RABGAP1L: variants seen among roughly 807,000 people sequenced by gnomAD.
RABGAP1L encodes RAB GTPase activating protein 1 like.
In RABGAP1L, 63 loss-of-function variants were observed where a neutral mutation model predicts 137.7. That is an observed-to-expected ratio of 0.46 (90% CI 0.37 to 0.56). The LOEUF (loss-of-function observed/expected upper bound fraction) is 0.56. RABGAP1L is among the 20% of genes least tolerant of loss of function. The pLI, the probability that RABGAP1L is intolerant of heterozygous loss-of-function variation, is 0.00. For missense variants in RABGAP1L, 1,095 were observed against 1,244.0 expected (o/e 0.88, Z 1.80); for synonymous variants, 431 against 433.7 (o/e 0.99, Z 0.08).
chr1:174,569,496 C>T (rs979205252), intron 13 of RABGAP1L, among the ~76,000 whole-genome samples: 5 of 152,148 alleles, frequency 3.3e-5, no homozygotes, highest in Non-Finnish European at 7.4e-5. Flanking sequence ...AACCTTTGGG[C>T]ATTTACATTA....
intron 14 of RABGAP1L, among the ~76,000 whole-genome samples, chr1:174,678,089 A>G (rs61826956): frequency 0.11 from 16,323 of 152,168 alleles, 990 homozygotes; most frequent in East Asian, 0.22. Flanking sequence ...AGATATTAAA[A>G]AGTCAATTAG....
chr1:174,767,168 T>C (rs970129542), intron 18 of RABGAP1L, among the ~76,000 whole-genome samples: 1 of 152,164 alleles, frequency 6.6e-6, no homozygotes, highest in Non-Finnish European at 1.5e-5. Context: ...ACTAAGCTGT[T>C]CTCCGACCAC....
At chr1:174,220,318 T>C (rs1168168812) in intron 2 of RABGAP1L, among the ~76,000 whole-genome samples, 1 of 152,202 alleles carries the variant, frequency 6.6e-6, no homozygotes, top group Non-Finnish European at 1.5e-5. Context: ...TTTTTTCCTT[T>C]AGACATGTAA....
chr1:174,650,493 T>G (rs1675381952), intron 14 of RABGAP1L, among the ~76,000 whole-genome samples: 1 of 150,632 alleles, frequency 6.6e-6, no homozygotes, highest in Non-Finnish European at 1.5e-5. Context: ...AAGCTATTGA[T>G]TATTGCCACA....
intron 14 of RABGAP1L, among the ~76,000 whole-genome samples, chr1:174,656,590 A>G (rs1675988770): frequency 6.6e-6 from 1 of 152,250 alleles, no homozygotes; most frequent in Non-Finnish European, 1.5e-5. Flanking sequence ...CCCATTAGAA[A>G]TCAATCACCC....
At chr1:174,661,373 G>A (rs1311373680) in intron 14 of RABGAP1L, among the ~76,000 whole-genome samples, 2 of 152,050 alleles carry the variant, frequency 1.3e-5, no homozygotes, top group Non-Finnish European at 2.9e-5. Flanking sequence ...AAAGGAGTAA[G>A]AAAACATGTA....
chr1:174,746,539 T>C (rs1683878391), intron 17 of RABGAP1L, among the ~76,000 whole-genome samples: 1 of 152,226 alleles, frequency 6.6e-6, no homozygotes, highest in Non-Finnish European at 1.5e-5. Flanking sequence ...TTATTTGTTA[T>C]CTTTTTACTC....
At chr1:174,826,126 A>G (rs949863585) in intron 19 of RABGAP1L, among the ~76,000 whole-genome samples, 1 of 152,148 alleles carries the variant, frequency 6.6e-6, no homozygotes, top group Non-Finnish European at 1.5e-5. Context: ...GCTCCCACTT[A>G]TAAGTAAAAC....
Position 174,701,236 on chromosome 1 carries a change from AT to A in RABGAP1L, c.2026-876del, listed in dbSNP as rs563661569. The A allele has an allele frequency of 7.3e-4, 923 of 1,264,012 alleles. 7 individuals carry two copies. In the African/African-American group the frequency reaches 0.014, roughly 19 times the overall value. 78.3% of individuals were successfully genotyped at this position (1,264,012 alleles called of 1,614,324 possible). On this transcript the variant is annotated intron_variant, in intron 16 of 25. Transcript: ENST00000681986. ...ATTGGGAGAAAAAAATAAAGTTACCATAAAGGCATTTTTAGAAGATATCCAA... is the reference window on the plus strand; with the variant it reads ...ATTGGGAGAAAAAAATAAAGTTACCAAAAGGCATTTTTAGAAGATATCCAA...
At chr1:174,711,519 C>T (rs968528454) in intron 17 of RABGAP1L, among the ~76,000 whole-genome samples, 5 of 152,136 alleles carry the variant, frequency 3.3e-5, no homozygotes, top group African/African-American at 1.2e-4. Context: ...TGGCCCTGGG[C>T]AGTGAGGTGC....
chr1:174,843,876 C>T (rs2148956597), intron 19 of RABGAP1L, among the ~76,000 whole-genome samples: 1 of 131,292 alleles, frequency 7.6e-6, no homozygotes, highest in South Asian at 2.8e-4. Flanking sequence ...TCTCCACATC[C>T]TCTCCAGCAC....
chr1:174,299,690 T>TC (rs1677479949), intron 10 of RABGAP1L, among the ~76,000 whole-genome samples: 1 of 152,226 alleles, frequency 6.6e-6, no homozygotes, highest in Non-Finnish European at 1.5e-5. Flanking sequence ...AAAGCAAGGA[T>TC]CAGCAGTATT....
At chr1:174,937,480 T>A (rs1665042795) in intron 19 of RABGAP1L, among the ~76,000 whole-genome samples, 1 of 148,046 alleles carries the variant, frequency 6.8e-6, no homozygotes, top group Admixed American at 6.8e-5. Context: ...GAGATGGGGT[T>A]TCACCATGTT....
intron 11 of RABGAP1L, among the ~76,000 whole-genome samples, chr1:174,306,820 T>C (rs1351272891): frequency 6.6e-6 from 1 of 152,176 alleles, no homozygotes; most frequent in African/African-American, 2.4e-5. Flanking sequence ...TTATACAAAC[T>C]AGAGCTAAAT....
chr1:174,433,434 A>C (rs184124957), intron 13 of RABGAP1L, among the ~76,000 whole-genome samples: 7 of 152,340 alleles, frequency 4.6e-5, no homozygotes, highest in Admixed American at 4.6e-4. Context: ...GAAGGTGGTA[A>C]ATATACACGT....
In RABGAP1L at chr1:174,925,367, A is replaced by C. The variant is rs6671274; in HGVS notation, c.2341-32090A>C. On this transcript the variant is annotated intron_variant, in intron 19 of 25. Coordinates refer to ENST00000681986, the MANE Select transcript of RABGAP1L (RefSeq NM_001366446.1). ...GAGACTCCGTCTCAAAAAAAAAAAA[A>C]AAAAAAAAAAAACAGCAAAAAACAA... Among the ~76,000 whole-genome samples, 501 of 149,042 alleles carry C rather than the reference A, an allele frequency of 3.4e-3. 3 individuals are homozygous for C. Among genetic ancestry groups the C allele is most frequent in the African/African-American group, 0.011 (420 of 39,442 alleles).
chr1:174,881,389 T>A (rs1430992579), intron 19 of RABGAP1L, among the ~76,000 whole-genome samples: 3 of 151,920 alleles, frequency 2.0e-5, no homozygotes, highest in Non-Finnish European at 4.4e-5. Flanking sequence ...TTTAGTTTTA[T>A]CAGATTTGAA....
intron 13 of RABGAP1L, among the ~76,000 whole-genome samples, chr1:174,523,885 G>T (rs1663645923): frequency 6.6e-6 from 1 of 152,072 alleles, no homozygotes; most frequent in Non-Finnish European, 1.5e-5. Context: ...AGAACATATG[G>T]TATTTATCTT....
chr1:174,445,622 A>T (rs1360477458), intron 13 of RABGAP1L, among the ~76,000 whole-genome samples: 2 of 152,184 alleles, frequency 1.3e-5, no homozygotes, highest in Non-Finnish European at 2.9e-5. Context: ...TGTTAATTAA[A>T]ATGTAACTAT....
Sources: gnomAD v4.1 joint callset for allele counts (sites outside exome capture counted in the v4.1 genomes callset) on GRCh38, gnomAD v4.1.1 for gene constraint, MANE v1.5 for transcripts, NCBI Gene and HGNC (gene_info 2026-07-23, HGNC 2026-07-21) for gene names.